DCP2: variants seen among roughly 807,000 people sequenced by gnomAD.
The protein encoded by DCP2 is m7GpppN-mRNA hydrolase.
Under a neutral mutation model 56.1 loss-of-function variants are expected in DCP2, and 30 were observed. That is an observed-to-expected ratio of 0.53 (90% CI 0.40 to 0.73). The LOEUF (loss-of-function observed/expected upper bound fraction) is 0.73, where lower values mean the gene tolerates loss of function less well. DCP2 is among the 30% of genes least tolerant of loss of function. The probability of loss-of-function intolerance (pLI) is 0.00; values close to 1 mark genes in which losing one functional copy is unlikely to be tolerated. For synonymous variants in DCP2, 197 were observed against 163.3 expected (o/e 1.21, Z -1.57); for missense variants, 533 against 502.7 (o/e 1.06, Z -0.58).
At chr5:112,999,668 C>G (rs1323972698) in intron 4 of DCP2, among the ~76,000 whole-genome samples, 1 of 148,348 alleles carries the variant, frequency 6.7e-6, no homozygotes, top group African/African-American at 2.5e-5. Context: ...GCTCTGTCAT[C>G]TAGACTGGAG....
chr5:112,980,231 A>T (rs182093827), intron 1 of DCP2, among the ~76,000 whole-genome samples: 1 of 152,252 alleles, frequency 6.6e-6, no homozygotes, highest in African/African-American at 2.4e-5. Flanking sequence ...GGTTGATTCA[A>T]ATAAATGCTT....
Position 112,988,210 on chromosome 5 carries a change from C to T in DCP2, c.205+2224C>T, listed in dbSNP as rs183005293. 1.7e-3 allele frequency among the ~76,000 whole-genome samples: 264 copies of T among 151,586 alleles called. 1 individual carries two copies. The highest frequency in any genetic ancestry group is 2.4e-3 in the Admixed American group (37 of 15,234). Reference sequence around the variant, plus strand: ...TGAAAACGGTATCCAAGGCCGGGTGCGGTGGCTCATGCCTGTAATCCCAGC... The same window carrying T: ...TGAAAACGGTATCCAAGGCCGGGTGTGGTGGCTCATGCCTGTAATCCCAGC... On this transcript the variant is annotated intron_variant, in intron 2 of 10. Transcript: ENST00000389063.
intron 4 of DCP2, among the ~76,000 whole-genome samples, chr5:112,996,353 G>A (rs1210917579): frequency 6.6e-6 from 1 of 152,136 alleles, no homozygotes; most frequent in Admixed American, 6.5e-5. Context: ...GATGAGGAGA[G>A]ATTTTGTTCT....
chr5:112,982,994 T>C (rs1034072580), intron 1 of DCP2, among the ~76,000 whole-genome samples: 1 of 152,186 alleles, frequency 6.6e-6, no homozygotes, highest in Admixed American at 6.5e-5. Context: ...TTTTTTAAAA[T>C]ACAGATAAAG....
At chr5:113,001,830 G>T (rs1457011492) in intron 7 of DCP2, among the ~76,000 whole-genome samples, 156 bp downstream of exon 7, 2 of 152,016 alleles carry the variant, frequency 1.3e-5, no homozygotes, top group Non-Finnish European at 2.9e-5. Context: ...TTTTTAAAGG[G>T]TTTCTGATGA....
intron 2 of DCP2, among the ~76,000 whole-genome samples, chr5:112,991,117 A>G (rs1013480408): frequency 1.3e-5 from 2 of 152,216 alleles, no homozygotes; most frequent in Admixed American, 6.5e-5. Flanking sequence ...ACTAGTACCA[A>G]TATGGTCTCT....
At chr5:113,008,912 C>T (rs1397923936) in intron 9 of DCP2, among the ~76,000 whole-genome samples, 3 of 151,552 alleles carry the variant, frequency 2.0e-5, no homozygotes, top group African/African-American at 7.3e-5. Context: ...GGCACGATCT[C>T]GGCTCACTGC....
chr5:113,004,693 A>C (rs1046119727), intron 8 of DCP2, among the ~76,000 whole-genome samples: 1 of 152,088 alleles, frequency 6.6e-6, no homozygotes, highest in African/African-American at 2.4e-5. Context: ...TTGAGTATCT[A>C]TTTGCTAATT....
In DCP2 at chr5:113,010,773, T is replaced by A; in HGVS notation, c.1065T>A (p.Leu355=). 6.3e-7 allele frequency: 1 copy of A among 1,596,196 alleles called. No individual in the cohort carries two copies. Among genetic ancestry groups the A allele is most frequent in the Non-Finnish European group, 8.5e-7 (1 of 1,175,142 alleles). The change falls in exon 10 of 11, where the codon CTT becomes CTA. Residue 355 remains leucine (L), a synonymous_variant. Coordinates refer to ENST00000389063, the MANE Select transcript of DCP2 (RefSeq NM_152624.6). ...QNSLMKCEKK[L]HPRKLQDNFE... ...TTAAATAGAAGTGTGAAAAGAAACTTCATCCACGGAAACTTCAGGATAATT... is the reference window on the plus strand; with the variant it reads ...TTAAATAGAAGTGTGAAAAGAAACTACATCCACGGAAACTTCAGGATAATT...
rs1336253187 is a variant in DCP2, at chr5:113,021,449, T to C, written c.*7965T>C. Among the ~76,000 whole-genome samples, 3 of 139,662 alleles carry C rather than the reference T, an allele frequency of 2.1e-5. No homozygotes were observed. Among genetic ancestry groups the C allele is most frequent in the African/African-American group, 8.0e-5 (3 of 37,490 alleles). The allele number at this position is 139,662 out of a possible 152,430, so 91.6% of individuals were successfully genotyped here. A position where few individuals can be genotyped will look rare whatever the true frequency, so the allele number is the denominator to read the frequency against. On this transcript the variant is annotated 3_prime_UTR_variant, in exon 11 of 11. Transcript: ENST00000389063. ...TCGAGAGTCTCTGCAAAAATGAAAA[T>C]ACCTCAAACAATTAAGTTTGTTGCT...
intron 1 of DCP2, among the ~76,000 whole-genome samples, chr5:112,979,181 A>G (rs2150164985): frequency 6.6e-6 from 1 of 152,292 alleles, no homozygotes; most frequent in East Asian, 1.9e-4. Context: ...TTTCCTTTCA[A>G]GAAATTTCTT....
At position 112,980,957 on chromosome 5, in the gene DCP2, C is replaced by T. The variant is rs976802400; in HGVS notation, c.53+3971C>T. On this transcript the variant is annotated intron_variant, in intron 1 of 10. Transcript: ENST00000389063. ...GTTCAGTTTACCACACCCACTATTGCCCCCATCTTACTTCCAGTATGTCTC... is the reference window on the plus strand; with the variant it reads ...GTTCAGTTTACCACACCCACTATTGTCCCCATCTTACTTCCAGTATGTCTC... Among the ~76,000 whole-genome samples, 5 of 151,754 alleles carry T rather than the reference C, an allele frequency of 3.3e-5. No individual in the cohort carries two copies. In the South Asian group the frequency reaches 1.0e-3, roughly 32 times the overall value.
Position 113,014,138 on chromosome 5 carries a change from T to G in DCP2, c.*654T>G, listed in dbSNP as rs562449153. 6.6e-6 allele frequency: 1 copy of G among 152,452 alleles called. No individual in the cohort carries two copies. Among genetic ancestry groups the G allele is most frequent in the East Asian group, 1.9e-4 (1 of 5,194 alleles). The allele number at this position is 152,452 out of a possible 1,614,324, so 9.4% of individuals were successfully genotyped here. The stretch of plus-strand genomic sequence containing the variant: ...AGGGGCTTGAGTGGATGGGAGCTGA[T>G]GCTGTGATTTTGAGCTGTGGTTACA... On this transcript the variant is annotated 3_prime_UTR_variant, in exon 11 of 11. Coordinates refer to ENST00000389063, the MANE Select transcript of DCP2 (RefSeq NM_152624.6).
chr5:112,984,927 T>C (rs948584609), intron 1 of DCP2, among the ~76,000 whole-genome samples: 5 of 151,568 alleles, frequency 3.3e-5, no homozygotes, highest in Non-Finnish European at 5.9e-5. Flanking sequence ...AGTATTCTTA[T>C]GCTTATTTGA....
At chr5:112,979,209 T>C (rs1274183192) in intron 1 of DCP2, among the ~76,000 whole-genome samples, 8 of 152,202 alleles carry the variant, frequency 5.3e-5, no homozygotes, top group Non-Finnish European at 1.2e-4. Context: ...TTACTGTTTT[T>C]GGCTGTATAA....
chr5:112,995,712 TG>T (rs1163510001), intron 4 of DCP2, among the ~76,000 whole-genome samples: 1 of 152,232 alleles, frequency 6.6e-6, no homozygotes, highest in African/African-American at 2.4e-5. Context: ...AGTAAATTTT[TG>T]GATTAGGATT....
intron 10 of DCP2, among the ~76,000 whole-genome samples, chr5:113,012,889 T>G (rs1425051320): frequency 6.6e-6 from 1 of 151,958 alleles, no homozygotes; most frequent in African/African-American, 2.4e-5. Context: ...TGATCTGCCC[T>G]CCTTGGCCTC....
rs901561034 is a variant in DCP2, at chr5:113,001,443, A to T, written c.672A>T (p.Lys224Asn). The change falls in exon 6 of 11, where the codon AAA (lysine) becomes AAT (asparagine). Residue 224 changes from lysine to asparagine, a missense_variant. Lys to Asn is a moderately conservative substitution (Grantham distance 94, BLOSUM62 0). This residue lies in a region of DCP2 where 392 missense variants were observed against 346.6 expected (regional missense o/e 1.13). Coordinates refer to ENST00000389063, the MANE Select transcript of DCP2 (RefSeq NM_152624.6). ...PKSKLGLAPN[K>N]FFMAIPFIRP... ...CCAAACTTGGTTTGGCACCTAACAA[A>T]TTTTTTATGGCCATTCCCTTTATCA... 1 of 1,613,802 alleles carries T rather than the reference A, an allele frequency of 6.2e-7. No homozygotes were observed. The highest frequency in any genetic ancestry group is 8.5e-7 in the Non-Finnish European group (1 of 1,179,914).
intron 1 of DCP2, among the ~76,000 whole-genome samples, chr5:112,978,137 C>G (rs1747809898): frequency 6.6e-6 from 1 of 152,034 alleles, no homozygotes; most frequent in African/African-American, 2.4e-5. Flanking sequence ...CCACCACACC[C>G]GGCTAATTTT....
Sources: gnomAD v4.1 joint callset for allele counts (sites outside exome capture counted in the v4.1 genomes callset) on GRCh38, gnomAD v4.1.1 for gene constraint, gnomAD v4.1.1 regional missense constraint, MANE v1.5 for transcripts, NCBI Gene and HGNC (gene_info 2026-07-23, HGNC 2026-07-21) for gene names.